Variants in CDH22 observed in about 807,000 individuals in gnomAD.
CDH22 encodes the protein cadherin 22.
A neutral mutation model predicts 58.4 loss-of-function variants in CDH22; 30 were observed. The ratio of observed to expected loss-of-function variants is 0.51; its 90% confidence interval spans 0.38 to 0.70. The LOEUF (loss-of-function observed/expected upper bound fraction) is 0.70, where lower values mean the gene tolerates loss of function less well. Ranked by LOEUF, CDH22 falls within the 30% of genes least tolerant of loss-of-function variation. The pLI is 0.00. For synonymous variants in CDH22, 513 were observed against 558.2 expected, an observed-to-expected ratio of 0.92 and a Z score of 1.14; for missense variants, 1,014 against 1,233.9, an observed-to-expected ratio of 0.82 and a Z score of 2.67.
chr20:46,227,598 C>T lies in CDH22; in HGVS notation c.580G>A (p.Asp194Asn). 1 of 1,613,128 alleles carries T rather than the reference C, an allele frequency of 6.2e-7. No individual in the cohort carries two copies. The highest frequency in any genetic ancestry group is 8.5e-7 in the Non-Finnish European group (1 of 1,179,788). Residue 194 changes from aspartate (D) to asparagine (N), a missense_variant, in exon 4 of 12, where the codon GAT (aspartate) becomes AAT (asparagine). Asp to Asn is a conservative substitution (Grantham distance 23, BLOSUM62 1). Around this residue, in one of 2 missense-constraint regions of CDH22, gnomAD observed 806 missense variants for 1,038.7 expected, o/e 0.78. Coordinates refer to ENST00000537909, the MANE Select transcript of CDH22 (RefSeq NM_021248.3). Reference sequence around the variant, plus strand: ...CTGCCGTACGTGGGGTCATCCGCATCCGAGGCCATCACCTGCATCACCGAC... The same window carrying T: ...CTGCCGTACGTGGGGTCATCCGCATTCGAGGCCATCACCTGCATCACCGAC... ...GTSVMQVMAS[D>N]ADDPTYGSSA...
At chr20:46,277,747 G>A (rs2145763973) in intron 1 of CDH22, among the ~76,000 whole-genome samples, 1 of 152,164 alleles carries the variant, frequency 6.6e-6, no homozygotes, top group East Asian at 1.9e-4. Flanking sequence ...CTCAGTGACA[G>A]CACCAGGAAG....
In CDH22 at chr20:46,269,426, T is replaced by C. The variant is rs549123410; in HGVS notation, c.-399-17733A>G. Among the ~76,000 whole-genome samples, 4 of 152,358 alleles carry C rather than the reference T, an allele frequency of 2.6e-5. No homozygotes were observed. In the East Asian group the frequency reaches 7.7e-4, roughly 29 times the overall value. On this transcript the variant is annotated intron_variant, in intron 1 of 11. Transcript: ENST00000537909. ...ATAAAATAATAAATAGTACTGAGCATAGCTAACTTTTGTCAAGTGCTTGAT... is the reference window on the plus strand; with the variant it reads ...ATAAAATAATAAATAGTACTGAGCACAGCTAACTTTTGTCAAGTGCTTGAT...
Position 46,210,229 on chromosome 20 carries a change from C to T in CDH22, c.1286+78G>A. 3 of 1,316,210 alleles carry T rather than the reference C, an allele frequency of 2.3e-6. No homozygotes were observed. The highest frequency in any genetic ancestry group is 2.9e-6 in the Non-Finnish European group (3 of 1,027,446). 81.5% of individuals were successfully genotyped at this position (1,316,210 alleles called of 1,614,324 possible). A position where few individuals can be genotyped will look rare whatever the true frequency, so the allele number is the denominator to read the frequency against. On this transcript the variant is annotated intron_variant, in intron 7 of 11. Coordinates refer to ENST00000537909, the MANE Select transcript of CDH22 (RefSeq NM_021248.3). This position sits in a 1 kb window ranked among gnomAD's most constrained non-coding sequence, Gnocchi z 4.5. ...GGCCCTGCCCGCCCCAGCCCTCCTCCCCTCTGCCCGCAGTCTGTCCGCGGG... is the reference window on the plus strand; with the variant it reads ...GGCCCTGCCCGCCCCAGCCCTCCTCTCCTCTGCCCGCAGTCTGTCCGCGGG...
At chr20:46,223,275 C>T (rs377368496) in intron 4 of CDH22, among the ~76,000 whole-genome samples, 1 of 152,182 alleles carries the variant, frequency 6.6e-6, no homozygotes, top group Admixed American at 6.5e-5. Flanking sequence ...CCTTCCCACT[C>T]TCATGTCCTC....
intron 1 of CDH22, among the ~76,000 whole-genome samples, chr20:46,255,395 G>A (rs1008581287): frequency 2.6e-5 from 4 of 152,204 alleles, no homozygotes; most frequent in East Asian, 1.9e-4. Context: ...TGCCTCAAAC[G>A]TGGGACTTGG....
chr20:46,269,364 G>C (rs1174015036), intron 1 of CDH22, among the ~76,000 whole-genome samples: 1 of 152,210 alleles, frequency 6.6e-6, no homozygotes, highest in East Asian at 1.9e-4. Flanking sequence ...CTAGTGCACA[G>C]GGTGAATTGA....
intron 8 of CDH22, among the ~76,000 whole-genome samples, chr20:46,188,966 G>A (rs1332458789): frequency 6.6e-6 from 1 of 151,554 alleles, no homozygotes; most frequent in East Asian, 1.9e-4. Context: ...CAGGCATCCA[G>A]GCTCCCCAAG....
At chr20:46,272,838 G>C (rs2145758990) in intron 1 of CDH22, among the ~76,000 whole-genome samples, 1 of 152,330 alleles carries the variant, frequency 6.6e-6, no homozygotes, top group South Asian at 2.1e-4. Flanking sequence ...GTTTTCTGGT[G>C]TGTCTGGTTA....
intron 4 of CDH22, chr20:46,219,938 C>T (rs1037680766): frequency 3.3e-5 from 5 of 152,418 alleles, no homozygotes; most frequent in Middle Eastern, 3.4e-3. Flanking sequence ...TGGGGTGTGT[C>T]ATATTCTCCA....
intron 10 of CDH22, 70 bp from the exon 11 acceptor site, chr20:46,178,267 T>G: frequency 6.5e-7 from 1 of 1,540,762 alleles, no homozygotes; most frequent in Middle Eastern, 1.7e-4. Flanking sequence ...AGCCACCTCC[T>G]GATTGCATCG....
intron 3 of CDH22, 31 bp downstream of exon 3, chr20:46,240,932 C>A: frequency 6.3e-7 from 1 of 1,588,858 alleles, no homozygotes; most frequent in Non-Finnish European, 8.6e-7. Flanking sequence ...CACCTTGATC[C>A]CATCCCCCAC....
intron 7 of CDH22, among the ~76,000 whole-genome samples, chr20:46,200,637 G>C (rs542619113): frequency 6.6e-6 from 1 of 152,104 alleles, no homozygotes; most frequent in Non-Finnish European, 1.5e-5. Flanking sequence ...GGCAGAGACC[G>C]GGAGTGTGGG....
chr20:46,174,496 GGGCGA>G lies in CDH22; in HGVS notation c.*5_*9del. ...GGTGAGCAGCCGCGCCCCGACGGCA[GGGCGA>G]GGGGCTAGGAGGCCTGGGCCTCGTC... is the stretch of plus-strand genomic sequence containing the variant. On this transcript the variant is annotated 3_prime_UTR_variant, in exon 12 of 12. Coordinates refer to ENST00000537909, the MANE Select transcript of CDH22 (RefSeq NM_021248.3). The surrounding 1 kb of genome is among the most constrained non-coding windows in gnomAD (Gnocchi z 4.4). 6.8e-7 allele frequency: 1 copy of G among 1,473,434 alleles called. No individual in the cohort carries two copies. The highest frequency in any genetic ancestry group is 2.8e-5 in the East Asian group (1 of 36,094). 91.3% of individuals were successfully genotyped at this position (1,473,434 alleles called of 1,614,324 possible).
intron 7 of CDH22, among the ~76,000 whole-genome samples, chr20:46,202,772 A>C (rs1325325752): frequency 6.6e-6 from 1 of 152,174 alleles, no homozygotes; most frequent in Admixed American, 6.5e-5. Flanking sequence ...ATCTGAGTCC[A>C]AAGGAGGTTG....
chr20:46,218,935 G>A (rs562604868), intron 4 of CDH22, among the ~76,000 whole-genome samples: 1 of 152,150 alleles, frequency 6.6e-6, no homozygotes, highest in Non-Finnish European at 1.5e-5. Flanking sequence ...TGCGCCAGGT[G>A]GAGTCATGCA....
intron 1 of CDH22, among the ~76,000 whole-genome samples, chr20:46,291,643 T>C (rs1006331922): frequency 6.6e-6 from 1 of 152,202 alleles, no homozygotes; most frequent in African/African-American, 2.4e-5. Context: ...GCTGCACTGA[T>C]GAAGTAACCA....
chr20:46,217,027 C>A, intron 4 of CDH22, 34 bp from the exon 5 acceptor site: 1 of 1,567,234 alleles, frequency 6.4e-7, no homozygotes, highest in Non-Finnish European at 8.7e-7. Context: ...CAGGGCACCC[C>A]ACACCACCTG....
intron 1 of CDH22, among the ~76,000 whole-genome samples, chr20:46,302,309 C>T (rs533910234): frequency 1.2e-4 from 18 of 152,118 alleles, no homozygotes; most frequent in Non-Finnish European, 2.2e-4. Context: ...GCGTTGTAGG[C>T]GGTTTGGCAG....
chr20:46,238,526 G>A (rs373037878), intron 3 of CDH22, among the ~76,000 whole-genome samples: 6 of 152,124 alleles, frequency 3.9e-5, no homozygotes, highest in East Asian at 1.9e-4. Context: ...AGCATAATAC[G>A]TTTTTCTAAC....
Sources: allele counts gnomAD v4.1 joint callset (sites outside exome capture counted in the v4.1 genomes callset), GRCh38; gene constraint gnomAD v4.1.1; regional missense constraint gnomAD v4.1.1; non-coding constraint Gnocchi (gnomAD v3.1); transcripts MANE v1.5; gene names NCBI Gene and HGNC (gene_info 2026-07-23, HGNC 2026-07-21).